Variants in PSPC1 observed in about 807,000 individuals in gnomAD.
PSPC1 encodes the protein paraspeckle component 1.
In PSPC1, 14 loss-of-function variants were observed where a neutral mutation model predicts 51.6. The ratio of observed to expected loss-of-function variants is 0.27; its 90% confidence interval spans 0.18 to 0.42. The LOEUF is 0.42. Ranked by LOEUF, PSPC1 falls within the 10% of genes least tolerant of loss-of-function variation. PSPC1 has a pLI of 1.00. For missense variants in PSPC1, 406 were observed against 701.1 expected, an observed-to-expected ratio of 0.58 and a Z score of 4.75; for synonymous variants, 193 against 231.9, an observed-to-expected ratio of 0.83 and a Z score of 1.53.
intron 5 of PSPC1, chr13:19,736,860 T>A (rs1884894172): frequency 6.6e-6 from 1 of 152,154 alleles, no homozygotes; most frequent in African/African-American, 2.4e-5. Context: ...GGCACAATAT[T>A]ATAATTAACT....
intron 2 of PSPC1, among the ~76,000 whole-genome samples, chr13:19,771,271 G>T (rs532769003): frequency 2.0e-4 from 30 of 152,186 alleles, no homozygotes; most frequent in African/African-American, 7.0e-4. Context: ...CCAAGTAGCT[G>T]GGATTACAGG....
intron 3 of PSPC1, among the ~76,000 whole-genome samples, chr13:19,752,113 T>A (rs777489110): frequency 5.5e-4 from 83 of 152,212 alleles, no homozygotes; most frequent in Non-Finnish European, 1.1e-3. Context: ...ATGAATTAAC[T>A]GTCTGGATCA....
chr13:19,772,886 G>A (rs907923689), intron 1 of PSPC1, among the ~76,000 whole-genome samples: 1 of 152,128 alleles, frequency 6.6e-6, no homozygotes, highest in South Asian at 2.1e-4. Flanking sequence ...TAGAGGCTGG[G>A]CACAGTGGTT....
chr13:19,747,937 G>T (rs1886159290), intron 4 of PSPC1, among the ~76,000 whole-genome samples: 1 of 152,142 alleles, frequency 6.6e-6, no homozygotes, highest in Non-Finnish European at 1.5e-5. Flanking sequence ...TTGTAGGCCG[G>T]GTACAGTGGC....
At chr13:19,737,792 T>C (rs1445269139) in intron 5 of PSPC1, among the ~76,000 whole-genome samples, 1 of 152,132 alleles carries the variant, frequency 6.6e-6, no homozygotes, top group East Asian at 1.9e-4. Context: ...AGCCATAAAA[T>C]ACAGCATATG....
intron 6 of PSPC1, among the ~76,000 whole-genome samples, chr13:19,682,879 T>C (rs532593135): frequency 2.0e-5 from 3 of 151,284 alleles, no homozygotes; most frequent in East Asian, 1.9e-4. Flanking sequence ...CTGGGTAACA[T>C]AGTGAGAGAC....
chr13:19,705,720 A>G lies in PSPC1; in HGVS notation c.1328T>C (p.Met443Thr). 2 of 1,611,250 alleles carry G rather than the reference A, an allele frequency of 1.2e-6. No individual in the cohort carries two copies. Among genetic ancestry groups the G allele is most frequent in the Non-Finnish European group, 1.7e-6 (2 of 1,178,724 alleles). ...CATATTTGCGGCTCCTTCTGGTCCCATGGCAGGACCAGGACCCATTGGTGG... is the reference window on the plus strand; with the variant it reads ...CATATTTGCGGCTCCTTCTGGTCCCGTGGCAGGACCAGGACCCATTGGTGG... ...PGPPMGPGPA[M>T]GPEGAANMGT... is the part of the protein sequence containing the mutation. Residue 443 changes from methionine to threonine, a missense_variant, in exon 8 of 9, where the codon ATG becomes ACG. Coordinates refer to ENST00000338910, the MANE Select transcript of PSPC1 (RefSeq NM_001354909.2).
chr13:19,691,686 A>C (rs1878568239), intron 6 of PSPC1, among the ~76,000 whole-genome samples: 1 of 152,158 alleles, frequency 6.6e-6, no homozygotes, highest in African/African-American at 2.4e-5. Context: ...TGGGAGGCCG[A>C]GGTAGGCGGA....
chr13:19,774,183 G>A (rs928549133), intron 1 of PSPC1, among the ~76,000 whole-genome samples: 1 of 152,056 alleles, frequency 6.6e-6, no homozygotes, highest in African/African-American at 2.4e-5. Context: ...TAGAATATGG[G>A]CAGCACCTAA....
In PSPC1 at chr13:19,730,965, CAAAA is replaced by C. The variant is rs56753561; in HGVS notation, c.1053-625_1053-622del. On this transcript the variant is annotated intron_variant, in intron 5 of 8. Coordinates refer to ENST00000338910, the MANE Select transcript of PSPC1 (RefSeq NM_001354909.2). ...GTCTCAGAAAAAAAAAACAAAAAAA[CAAAA>C]AAAAAAAAAACAGAAAAAGTCTGAG... Among the ~76,000 whole-genome samples the C allele has an allele frequency of 1.6e-3, 60 of 37,302 alleles. 4 individuals carry two copies. The highest frequency in any genetic ancestry group is 3.2e-3 in the African/African-American group (46 of 14,568). The allele number at this position is 37,302 out of a possible 152,430, so 24.5% of individuals were successfully genotyped here.
intron 4 of PSPC1, among the ~76,000 whole-genome samples, chr13:19,746,199 C>A (rs1382074331): frequency 6.6e-6 from 1 of 151,358 alleles, no homozygotes; most frequent in Admixed American, 6.6e-5. Context: ...GTCAGGAGTT[C>A]AAGATCAGCC....
At chr13:19,778,908 T>C in intron 1 of PSPC1, among the ~76,000 whole-genome samples, 1 of 100,500 alleles carries the variant, frequency 1.0e-5, no homozygotes. Flanking sequence ...CCGGCCGCCA[T>C]CCCATCTAGG....
chr13:19,742,196 C>T (rs1158358078), intron 4 of PSPC1, among the ~76,000 whole-genome samples: 1 of 149,704 alleles, frequency 6.7e-6, no homozygotes, highest in Admixed American at 6.7e-5. Flanking sequence ...CGCGGTGGCT[C>T]ACGCCTTATA....
chr13:19,701,612 A>G (rs1879912850), downstream of PSPC1, among the ~76,000 whole-genome samples: 1 of 152,210 alleles, frequency 6.6e-6, no homozygotes, highest in African/African-American at 2.4e-5. Flanking sequence ...AGTACGTATG[A>G]AAATTTTAAT....
chr13:19,780,194 T>G, intron 1 of PSPC1, among the ~76,000 whole-genome samples: 2 of 108,070 alleles, frequency 1.9e-5, no homozygotes, highest in South Asian at 3.6e-4. Flanking sequence ...GTGGGGGGGG[T>G]CAGCCCCCCC....
intron 3 of PSPC1, among the ~76,000 whole-genome samples, chr13:19,755,840 C>G (rs1455130550): frequency 6.6e-6 from 1 of 152,132 alleles, no homozygotes; most frequent in African/African-American, 2.4e-5. Flanking sequence ...CCAGCCAGGA[C>G]AGTTGCTCTA....
chr13:19,764,208 C>A (rs191568123), intron 2 of PSPC1, among the ~76,000 whole-genome samples: 5 of 152,216 alleles, frequency 3.3e-5, no homozygotes, highest in East Asian at 1.9e-4. Flanking sequence ...GAGAGGAGCT[C>A]TGATCACATT....
intron 5 of PSPC1, among the ~76,000 whole-genome samples, chr13:19,734,613 C>A (rs998924872): frequency 6.6e-6 from 1 of 152,088 alleles, no homozygotes. Context: ...ACGAGCCTGG[C>A]CAACATGGTG....
chr13:19,738,734 C>T (rs1409557032), intron 5 of PSPC1, among the ~76,000 whole-genome samples: 1 of 151,830 alleles, frequency 6.6e-6, no homozygotes, highest in Admixed American at 6.6e-5. Flanking sequence ...GGTGAAACCC[C>T]GTCTCTACTA....
Sources: gnomAD v4.1 joint callset for allele counts (sites outside exome capture counted in the v4.1 genomes callset) on GRCh38, gnomAD v4.1.1 for gene constraint, MANE v1.5 for transcripts, NCBI Gene and HGNC (gene_info 2026-07-23, HGNC 2026-07-21) for gene names.